GRAMD4: variants seen among roughly 807,000 people sequenced by gnomAD.
GRAMD4 encodes the protein GRAM domain containing 4.
In GRAMD4, 25 loss-of-function variants were observed where a neutral mutation model predicts 83.9. The observed-to-expected ratio is 0.30, with a 90% CI of 0.22 to 0.42. The LOEUF (loss-of-function observed/expected upper bound fraction) is 0.42, where lower values mean the gene tolerates loss of function less well. Ranked by LOEUF, GRAMD4 falls within the 10% of genes least tolerant of loss-of-function variation. GRAMD4 has a pLI of 1.00. For synonymous variants in GRAMD4, 336 were observed against 320.9 expected, an observed-to-expected ratio of 1.05 and a Z score of -0.50; for missense variants, 593 against 788.7, an observed-to-expected ratio of 0.75 and a Z score of 2.97.
At chr22:46,595,940 G>A (rs547522628) in intron 1 of GRAMD4, among the ~76,000 whole-genome samples, 16 of 152,054 alleles carry the variant, frequency 1.1e-4, no homozygotes, top group African/African-American at 3.4e-4. Context: ...GGAGCTGGCC[G>A]AGGGGCTTGC....
chr22:46,622,688 T>TCC lies in GRAMD4; in HGVS notation c.-50+2123_-50+2124insCC, dbSNP rs2081592656. On this transcript the variant is annotated intron_variant, in intron 1 of 18. Coordinates refer to ENST00000406902, the MANE Select transcript of GRAMD4 (RefSeq NM_015124.5). The surrounding 1 kb of genome is among the most constrained non-coding windows in gnomAD (Gnocchi z 4.0). ...CAGCACTTTGGGAGGCCGAGGCGGGTGGATCACGAGGTCAGGAGATTGAGA... is the reference window on the plus strand; with the variant it reads ...CAGCACTTTGGGAGGCCGAGGCGGGTCCGGATCACGAGGTCAGGAGATTGAGA... Among the ~76,000 whole-genome samples, 1 of 151,696 alleles carries TCC rather than the reference T, an allele frequency of 6.6e-6. No individual in the cohort carries two copies. The highest frequency in any genetic ancestry group is 6.6e-5 in the Admixed American group (1 of 15,218).
chr22:46,635,626 C>A (rs2081866778), intron 2 of GRAMD4, among the ~76,000 whole-genome samples: 1 of 128,780 alleles, frequency 7.8e-6, no homozygotes, highest in Non-Finnish European at 1.7e-5. Context: ...CCGGCCACTC[C>A]TGTCCTGGGG....
chr22:46,582,696 G>A (rs2081109852), intron 1 of GRAMD4, among the ~76,000 whole-genome samples: 1 of 152,182 alleles, frequency 6.6e-6, no homozygotes, highest in Non-Finnish European at 1.5e-5. Flanking sequence ...CTCACTCTTG[G>A]TGTTGACCTT....
At chr22:46,593,322 G>T (rs1232435055) in intron 1 of GRAMD4, among the ~76,000 whole-genome samples, 1 of 152,078 alleles carries the variant, frequency 6.6e-6, no homozygotes, top group East Asian at 1.9e-4. Flanking sequence ...GGCGGCCCTT[G>T]TTGCAGGCGG....
intron 1 of GRAMD4, among the ~76,000 whole-genome samples, chr22:46,595,861 T>C (rs1364903257): frequency 1.3e-5 from 2 of 152,262 alleles, no homozygotes; most frequent in Admixed American, 6.5e-5. Flanking sequence ...CACCCAGTGC[T>C]GTTTCTGTAC....
intron 3 of GRAMD4, among the ~76,000 whole-genome samples, chr22:46,648,581 A>T (rs2082106920): frequency 6.6e-6 from 1 of 151,900 alleles, no homozygotes; most frequent in African/African-American, 2.4e-5. Flanking sequence ...GGATGTGTGG[A>T]TGGATGGACA....
chr22:46,637,960 C>A lies in GRAMD4; in HGVS notation c.283C>A (p.Gln95Lys). Residue 95 changes from glutamine (Q) to lysine (K), a missense_variant and splice_region_variant, in exon 3 of 19, where the codon CAG becomes AAG. By Grantham distance (53) the Gln-to-Lys change is moderately conservative. Around this residue, in one of 4 missense-constraint regions of GRAMD4, gnomAD observed 312 missense variants for 350.7 expected, o/e 0.89. Transcript: ENST00000406902. Reference protein sequence around the residue: ...EIALLEKHFLQEELRKLREET... With the variant: ...EIALLEKHFLKEELRKLREET... ...TGCCTTATTGGAAAAACATTTCTTA[C>A]GTGAGTACCAGAAAGCGCTTGGAGG... 6.2e-7 allele frequency: 1 copy of A among 1,613,402 alleles called. No individual in the cohort carries two copies. Among genetic ancestry groups the A allele is most frequent in the Non-Finnish European group, 8.5e-7 (1 of 1,179,522 alleles).
intron 3 of GRAMD4, among the ~76,000 whole-genome samples, chr22:46,641,149 T>G (rs1250574931): frequency 6.6e-6 from 1 of 152,154 alleles, no homozygotes; most frequent in Non-Finnish European, 1.5e-5. Flanking sequence ...CTCGGCTCAC[T>G]GTAACCTTTG....
intron 10 of GRAMD4, among the ~76,000 whole-genome samples, chr22:46,667,367 A>T (rs193100019): frequency 1.3e-5 from 2 of 152,116 alleles, no homozygotes; most frequent in Admixed American, 1.3e-4. Flanking sequence ...ACAACAAAAA[A>T]CCCACCTCTG....
chr22:46,666,471 C>T (rs1438583927), intron 9 of GRAMD4, among the ~76,000 whole-genome samples: 3 of 152,232 alleles, frequency 2.0e-5, no homozygotes, highest in East Asian at 1.9e-4. Flanking sequence ...GTAGAAATCA[C>T]TTAAATACTC....
downstream of GRAMD4, among the ~76,000 whole-genome samples, chr22:46,680,853 TCCAC>T (rs1168351335): frequency 1.5e-4 from 10 of 64,542 alleles, no homozygotes; most frequent in Admixed American, 4.5e-4. Context: ...CATCCATCTT[TCCAC>T]CCACCCACCC....
intron 11 of GRAMD4, among the ~76,000 whole-genome samples, 191 bp from the exon 12 acceptor site, chr22:46,668,498 T>A (rs559667082): frequency 6.6e-6 from 1 of 152,098 alleles, no homozygotes; most frequent in South Asian, 2.1e-4. Flanking sequence ...CCGGGTCTGC[T>A]GTTGCTGTGA....
chr22:46,654,327 C>T (rs1224214642), intron 3 of GRAMD4, among the ~76,000 whole-genome samples: 3 of 152,200 alleles, frequency 2.0e-5, no homozygotes, highest in Admixed American at 2.0e-4. Flanking sequence ...AGCCCGGGCT[C>T]ACGCAGTGGG....
chr22:46,608,644 A>G (rs1256673532), intron 1 of GRAMD4, among the ~76,000 whole-genome samples: 2 of 152,190 alleles, frequency 1.3e-5, no homozygotes, highest in African/African-American at 2.4e-5. Flanking sequence ...GCATTACTGT[A>G]CTACAGCCTG....
At chr22:46,668,571 G>A in intron 11 of GRAMD4, 118 bp from the exon 12 acceptor site, 1 of 942,960 alleles carries the variant, frequency 1.1e-6, no homozygotes, top group Non-Finnish European at 1.7e-6. Flanking sequence ...AGCCGGGCAG[G>A]ACCACAGGGC....
At chr22:46,653,611 T>C (rs1186293625) in intron 3 of GRAMD4, among the ~76,000 whole-genome samples, 13 of 152,204 alleles carry the variant, frequency 8.5e-5, no homozygotes, top group African/African-American at 2.9e-4. Context: ...GGCTGGCTGC[T>C]GCCCTTTCAC....
At chr22:46,652,075 A>T (rs1230353866) in intron 3 of GRAMD4, among the ~76,000 whole-genome samples, 1 of 152,170 alleles carries the variant, frequency 6.6e-6, no homozygotes, top group Admixed American at 6.5e-5. Context: ...TGGCACACTC[A>T]TGGCCCCACA....
intron 5 of GRAMD4, among the ~76,000 whole-genome samples, chr22:46,661,944 G>A (rs1388344472): frequency 6.6e-6 from 1 of 152,216 alleles, no homozygotes; most frequent in Non-Finnish European, 1.5e-5. Context: ...CGCCCTGCAG[G>A]CAGCCGGCAT....
intron 1 of GRAMD4, among the ~76,000 whole-genome samples, chr22:46,609,247 C>T (rs2081394911): frequency 6.6e-6 from 1 of 152,162 alleles, no homozygotes; most frequent in Non-Finnish European, 1.5e-5. Context: ...CTCAGGCGAT[C>T]CTGTTGCCCT....
Sources: gnomAD v4.1 joint callset for allele counts (sites outside exome capture counted in the v4.1 genomes callset) on GRCh38, gnomAD v4.1.1 for gene constraint, gnomAD v4.1.1 regional missense constraint, Gnocchi (gnomAD v3.1) non-coding constraint, MANE v1.5 for transcripts, NCBI Gene and HGNC (gene_info 2026-07-23, HGNC 2026-07-21) for gene names.